Variants in B3GALT1 observed in about 807,000 individuals in gnomAD.
B3GALT1 encodes beta-1,3-galactosyltransferase 1.
In B3GALT1, 10 loss-of-function variants were observed where a neutral mutation model predicts 23.2. That is an observed-to-expected ratio of 0.43 (90% CI 0.27 to 0.73). B3GALT1 has a LOEUF of 0.73. Ranked by LOEUF, B3GALT1 falls within the 30% of genes least tolerant of loss-of-function variation. The pLI is 0.21. For missense variants in B3GALT1, 299 were observed against 405.4 expected (o/e 0.74, Z 2.25); for synonymous variants, 156 against 141.5 (o/e 1.10, Z -0.73).
chr2:167,293,029 GC>G lies in B3GALT1; in HGVS notation c.-815del, dbSNP rs1696275158. 1 of 151,906 alleles carries G rather than the reference GC, an allele frequency of 6.6e-6. No homozygotes were observed. The highest frequency in any genetic ancestry group is 1.5e-5 in the Non-Finnish European group (1 of 67,950). The allele number at this position is 151,906 out of a possible 1,614,324, so 9.4% of individuals were successfully genotyped here. A position where few individuals can be genotyped will look rare whatever the true frequency, so the allele number is the denominator to read the frequency against. Reference sequence around the variant, plus strand: ...GCCATCGCCGGGGAAGCGCAGCCGGGCTCGGGTGCTTCGGCTGCCGCCGCGG... The same window carrying G: ...GCCATCGCCGGGGAAGCGCAGCCGGGTCGGGTGCTTCGGCTGCCGCCGCGG... On this transcript the variant is annotated 5_prime_UTR_variant, in exon 1 of 5. Transcript: ENST00000392690.
intron 3 of B3GALT1, among the ~76,000 whole-genome samples, chr2:167,684,745 G>T (rs1225188377): frequency 6.6e-6 from 1 of 152,112 alleles, no homozygotes; most frequent in Non-Finnish European, 1.5e-5. Context: ...TCTCATTATT[G>T]GAATTCTTTA....
At chr2:167,813,012 T>G in intron 3 of B3GALT1, among the ~76,000 whole-genome samples, 1 of 79,144 alleles carries the variant, frequency 1.3e-5, no homozygotes, top group African/African-American at 4.9e-5. Flanking sequence ...CCCCACACAG[T>G]TCAGGGTCCC....
intron 1 of B3GALT1, among the ~76,000 whole-genome samples, chr2:167,479,030 C>A (rs1263163984): frequency 6.6e-6 from 1 of 151,874 alleles, no homozygotes; most frequent in African/African-American, 2.4e-5. Context: ...CGCCACTGCA[C>A]TCCAGCCTGG....
chr2:167,301,808 C>T (rs571598919), intron 1 of B3GALT1, among the ~76,000 whole-genome samples: 187 of 152,286 alleles, frequency 1.2e-3, no homozygotes, highest in African/African-American at 4.3e-3. Flanking sequence ...CTGGGCCCCC[C>T]AAAGTGTTGG....
intron 2 of B3GALT1, among the ~76,000 whole-genome samples, chr2:167,585,177 A>G (rs1684566376): frequency 6.6e-6 from 1 of 152,208 alleles, no homozygotes. Context: ...AGGAAACAGG[A>G]GAAAGACCGA....
At chr2:167,797,208 A>G (rs1400734939) in intron 3 of B3GALT1, among the ~76,000 whole-genome samples, 1 of 152,182 alleles carries the variant, frequency 6.6e-6, no homozygotes, top group East Asian at 1.9e-4. Flanking sequence ...GCTCCCACTT[A>G]TAAGTGAGAA....
At chr2:167,418,446 T>C (rs1574071147) in intron 1 of B3GALT1, among the ~76,000 whole-genome samples, 1 of 150,548 alleles carries the variant, frequency 6.6e-6, no homozygotes, top group Non-Finnish European at 1.5e-5. Context: ...TTTTTCTAGG[T>C]GATTGAAGGT....
chr2:167,706,793 G>A (rs1472868242), intron 3 of B3GALT1, among the ~76,000 whole-genome samples: 2 of 152,190 alleles, frequency 1.3e-5, no homozygotes, highest in East Asian at 3.8e-4. Context: ...TCCAAAGGTG[G>A]CTTCACAACT....
intron 4 of B3GALT1, among the ~76,000 whole-genome samples, chr2:167,845,191 T>C (rs1190513266): frequency 6.6e-6 from 1 of 152,016 alleles, no homozygotes; most frequent in Non-Finnish European, 1.5e-5. Context: ...GCATATAATC[T>C]TGGGAGTTCT....
At chr2:167,323,239 TAAAAG>T (rs1298883350) in intron 1 of B3GALT1, among the ~76,000 whole-genome samples, 3 of 152,022 alleles carry the variant, frequency 2.0e-5, no homozygotes, top group Non-Finnish European at 4.4e-5. Context: ...AAATAACATT[TAAAAG>T]TGTGAGTATA....
At chr2:167,811,041 G>T (rs1427229383) in intron 3 of B3GALT1, among the ~76,000 whole-genome samples, 1 of 152,134 alleles carries the variant, frequency 6.6e-6, no homozygotes, top group Non-Finnish European at 1.5e-5. Flanking sequence ...GCAAGAAGTG[G>T]CATCCTATAT....
intron 3 of B3GALT1, among the ~76,000 whole-genome samples, chr2:167,704,048 T>G (rs113858716): frequency 3.2e-4 from 49 of 151,862 alleles, no homozygotes; most frequent in African/African-American, 6.3e-4. Flanking sequence ...GGGTGTGGTA[T>G]CAGGCGCCTG....
chr2:167,717,754 A>G (rs1048123820), intron 3 of B3GALT1, among the ~76,000 whole-genome samples: 6 of 152,146 alleles, frequency 3.9e-5, no homozygotes, highest in Non-Finnish European at 5.9e-5. Flanking sequence ...CATTTTTACA[A>G]CTGTTAATAT....
At chr2:167,312,301 T>G (rs1464986483) in intron 1 of B3GALT1, among the ~76,000 whole-genome samples, 2 of 151,866 alleles carry the variant, frequency 1.3e-5, no homozygotes, top group Non-Finnish European at 2.9e-5. Context: ...ATAAATTGAA[T>G]GGAGAGAATA....
At chr2:167,558,071 A>C (rs1683886219) in intron 2 of B3GALT1, 1 of 152,190 alleles carries the variant, frequency 6.6e-6, no homozygotes, top group African/African-American at 2.4e-5. Context: ...AAGGAGTAAT[A>C]CTGAGTTCTG....
At chr2:167,726,675 G>A (rs986199021) in intron 3 of B3GALT1, among the ~76,000 whole-genome samples, 1 of 152,198 alleles carries the variant, frequency 6.6e-6, no homozygotes. Context: ...CCAGTTTACA[G>A]TTGAGGGAAT....
At chr2:167,827,616 A>G (rs1048021492) in intron 4 of B3GALT1, among the ~76,000 whole-genome samples, 3 of 152,130 alleles carry the variant, frequency 2.0e-5, no homozygotes, top group African/African-American at 7.2e-5. Flanking sequence ...GTCCCTGCTC[A>G]GTGCGTGGCT....
At chr2:167,742,863 G>A (rs903719020) in intron 3 of B3GALT1, among the ~76,000 whole-genome samples, 1 of 151,880 alleles carries the variant, frequency 6.6e-6, no homozygotes, top group African/African-American at 2.4e-5. Context: ...CCTCTAATCT[G>A]CTCTTTACTT....
intron 2 of B3GALT1, among the ~76,000 whole-genome samples, chr2:167,579,880 G>A (rs1427572387): frequency 6.6e-6 from 1 of 152,096 alleles, no homozygotes; most frequent in Non-Finnish European, 1.5e-5. Context: ...CCTAGATGTA[G>A]AGACTAGATT....
Sources: allele counts gnomAD v4.1 joint callset (sites outside exome capture counted in the v4.1 genomes callset), GRCh38; gene constraint gnomAD v4.1.1; transcripts MANE v1.5; gene names NCBI Gene and HGNC (gene_info 2026-07-23, HGNC 2026-07-21).